The following SASH1 variants were observed in gnomAD, a reference collection of about 807,000 sequenced individuals.
The protein encoded by SASH1 is SAM and SH3 domain containing 1.
Under a neutral mutation model 125.2 loss-of-function variants are expected in SASH1, and 44 were observed. That is an observed-to-expected ratio of 0.35 (90% CI 0.28 to 0.45). SASH1 has a LOEUF of 0.45. SASH1 is among the 20% of genes least tolerant of loss of function. The probability of loss-of-function intolerance (pLI) is 1.00; values close to 1 mark genes in which losing one functional copy is unlikely to be tolerated. For missense variants in SASH1, 1,426 were observed against 1,614.5 expected (o/e 0.88, Z 2.00); for synonymous variants, 639 against 649.1 (o/e 0.98, Z 0.24).
rs149965187 is a variant in SASH1, at chr6:148,519,876, G to A, written c.1192G>A (p.Gly398Arg). Residue 398 changes from glycine (G) to arginine (R), a missense_variant, in exon 10 of 20, where the codon GGG becomes AGG. This residue lies in a region of SASH1 where 567 missense variants were observed against 575.6 expected (regional missense o/e 0.99). Transcript: ENST00000367467. This position sits in a 1 kb window ranked among gnomAD's most constrained non-coding sequence, Gnocchi z 4.8. ...CGAGGGGGAGATGAAGAAGGGTCTC[G>A]GGTCCCTAAGCCACGGGGTAAGTAC... ...LTEGEMKKGLGSLSHGRTCSF... is the reference protein window; with the variant it reads ...LTEGEMKKGLRSLSHGRTCSF... 2.3e-4 allele frequency: 357 copies of A among 1,576,956 alleles called. 1 individual carries two copies. The East Asian group carries it at 3.9e-3, about 17-fold the overall frequency.
At chr6:148,251,760 G>A in the SASH1 span, among the ~76,000 whole-genome samples, 1 of 151,240 alleles carries the variant, frequency 6.6e-6, no homozygotes, top group African/African-American at 2.4e-5. Flanking sequence ...GTATACATGT[G>A]CCATACTAGT....
intron 1 of SASH1, among the ~76,000 whole-genome samples, chr6:148,380,216 A>G (rs1783078983): frequency 6.6e-6 from 1 of 152,214 alleles, no homozygotes; most frequent in Non-Finnish European, 1.5e-5. Flanking sequence ...GCTCAGTCTC[A>G]TACCACAGAC....
At chr6:148,235,843 A>G in the SASH1 span, among the ~76,000 whole-genome samples, 4 of 152,340 alleles carry the variant, frequency 2.6e-5, no homozygotes, top group East Asian at 3.9e-4. Flanking sequence ...TAGAACCTCT[A>G]TTTTAAGTTT....
chr6:148,380,526 A>C (rs1022897062), intron 1 of SASH1, among the ~76,000 whole-genome samples: 1 of 152,174 alleles, frequency 6.6e-6, no homozygotes, highest in Non-Finnish European at 1.5e-5. Flanking sequence ...TTCCCACCCA[A>C]TTATCTGTGC....
intron 1 of SASH1, among the ~76,000 whole-genome samples, chr6:148,332,095 T>C (rs1470343487): frequency 6.6e-6 from 1 of 152,216 alleles, no homozygotes; most frequent in African/African-American, 2.4e-5. Flanking sequence ...TAGTTTGCTC[T>C]TAGCTCTTCT....
Position 148,326,998 on chromosome 6 carries a change from A to G in SASH1, n.74+54621A>G, listed in dbSNP as rs150663726. 8.9e-4 allele frequency among the ~76,000 whole-genome samples: 136 copies of G among 152,076 alleles called. 1 individual carries two copies. The highest frequency in any genetic ancestry group is 3.2e-3 in the African/African-American group (132 of 41,472). On this transcript the variant is annotated intron_variant and non_coding_transcript_variant, in intron 1 of 3. Coordinates refer to the SASH1 transcript ENST00000367469. ...GAAAATCTTTCCTTTTACTTCCCCTACTGGCTGGTGAATCTTGTGCTCCTC... is the reference window on the plus strand; with the variant it reads ...GAAAATCTTTCCTTTTACTTCCCCTGCTGGCTGGTGAATCTTGTGCTCCTC...
rs757149970 is a variant in SASH1, at chr6:148,543,732, C to A, written c.2262C>A (p.Ser754Arg). 2.5e-6 allele frequency: 4 copies of A among 1,592,330 alleles called. No homozygotes were observed. Among genetic ancestry groups the A allele is most frequent in the Non-Finnish European group, 3.4e-6 (4 of 1,166,356 alleles). Reference protein sequence around the residue: ...LLSAKSSTEPSLKSFSRNQLG... With the variant: ...LLSAKSSTEPRLKSFSRNQLG... The stretch of plus-strand genomic sequence containing the variant: ...CTGCCAAGTCATCCACCGAGCCCAG[C>A]TTGAAGTCTTTTAGCAGAAACCAGT... The change falls in exon 18 of 20, where the codon AGC (serine) becomes AGA (arginine). Residue 754 changes from serine (S) to arginine (R), a missense_variant. Transcript: ENST00000367467.
intron 2 of SASH1, among the ~76,000 whole-genome samples, chr6:148,399,811 G>C (rs1409291895): frequency 6.6e-6 from 1 of 152,196 alleles, no homozygotes; most frequent in Non-Finnish European, 1.5e-5. Context: ...GCCAGGGCTT[G>C]GGAGGGAAAG....
At position 148,449,078 on chromosome 6, in the gene SASH1, C is replaced by CTTTTTTTTT; in HGVS notation, c.386+8678_386+8686dup. Among the ~76,000 whole-genome samples the CTTTTTTTTT allele has an allele frequency of 3.0e-3, 264 of 88,630 alleles. 25 individuals carry two copies. The highest frequency in any genetic ancestry group is 5.2e-3 in the Non-Finnish European group (224 of 43,372). 58.1% of individuals were successfully genotyped at this position (88,630 alleles called of 152,430 possible). The stretch of plus-strand genomic sequence containing the variant: ...GAGACTGGCTAATTTCATTTCATTT[C>CTTTTTTTTT]TTTTTTTTTTTTTTTGGAGACAGAG... On this transcript the variant is annotated intron_variant, in intron 4 of 19. Transcript: ENST00000367467.
rs1782689515 is a variant in SASH1, at chr6:148,548,408, C to T, written c.3594C>T (p.Leu1198=). 3.7e-6 allele frequency: 6 copies of T among 1,614,254 alleles called. No individual in the cohort carries two copies. Among genetic ancestry groups the T allele is most frequent in the Non-Finnish European group, 5.1e-6 (6 of 1,180,050 alleles). ...SIGLPMYAGT[L]STAGFSTLSQ... is the part of the protein sequence containing the mutation. The stretch of plus-strand genomic sequence containing the variant: ...GTCTGCCCATGTACGCCGGCACCCT[C>T]TCCACCGCGGGCTTCAGCACACTGA... The change falls in exon 20 of 20, where the codon CTC becomes CTT. Residue 1198 remains leucine (L), a synonymous_variant. Coordinates refer to ENST00000367467, the MANE Select transcript of SASH1 (RefSeq NM_015278.5).
rs1782752008 is a variant in SASH1, at chr6:148,549,215, A to G, written c.*657A>G. 5.6e-6 allele frequency: 1 copy of G among 178,020 alleles called. No individual in the cohort carries two copies. 11.0% of individuals were successfully genotyped at this position (178,020 alleles called of 1,614,324 possible). On this transcript the variant is annotated 3_prime_UTR_variant, in exon 20 of 20. Coordinates refer to ENST00000367467, the MANE Select transcript of SASH1 (RefSeq NM_015278.5). ...CACAACCCTGTAACCATACTTCCAC[A>G]TCTTCAGCTTAGGCAGACATCGAAC...
At chr6:148,507,529 CCTGA>C (rs1451049106) in intron 8 of SASH1, among the ~76,000 whole-genome samples, 2 of 152,160 alleles carry the variant, frequency 1.3e-5, no homozygotes, top group Non-Finnish European at 2.9e-5. Context: ...TGCCACCACG[CCTGA>C]CTAAGTTTTG....
Position 148,471,399 on chromosome 6 carries a change from T to C in SASH1, c.428-18T>C. 1 of 1,287,952 alleles carries C rather than the reference T, an allele frequency of 7.8e-7. No individual in the cohort carries two copies. The highest frequency in any genetic ancestry group is 1.0e-6 in the Non-Finnish European group (1 of 952,862). The allele number at this position is 1,287,952 out of a possible 1,614,324, so 79.8% of individuals were successfully genotyped here. ...GTGCTTTTTGTTCTTTTTTTTTTTT[T>C]TTTTTTTTTTTTTTAAGGAAAAGGA... is the stretch of plus-strand genomic sequence containing the variant. On this transcript the variant is annotated intron_variant, in intron 5 of 19. Coordinates refer to ENST00000367467, the MANE Select transcript of SASH1 (RefSeq NM_015278.5).
At position 148,531,430 on chromosome 6, in the gene SASH1, T is replaced by TTTGA. The variant is rs936252349; in HGVS notation, c.1429-89_1429-86dup. On this transcript the variant is annotated intron_variant, in intron 12 of 19. Coordinates refer to ENST00000367467, the MANE Select transcript of SASH1 (RefSeq NM_015278.5). ...AGAATCAAATATAGGTATAGATTGA[T>TTTGA]TTGATTGATTTCGTTGAAGGCCAAG... 6 of 1,098,692 alleles carry TTTGA rather than the reference T, an allele frequency of 5.5e-6. No homozygotes were observed. In the Admixed American group the frequency reaches 8.8e-5, roughly 16 times the overall value. 68.1% of individuals were successfully genotyped at this position (1,098,692 alleles called of 1,614,324 possible).
intron 8 of SASH1, chr6:148,514,106 A>G (rs1193305330): frequency 7.7e-7 from 1 of 1,294,924 alleles, no homozygotes; most frequent in African/African-American, 1.6e-5. Context: ...GAGGGCAAGG[A>G]TGTGTGTTTC....
At chr6:148,464,755 T>C (rs1032601405) in intron 4 of SASH1, among the ~76,000 whole-genome samples, 2 of 152,150 alleles carry the variant, frequency 1.3e-5, no homozygotes, top group Non-Finnish European at 2.9e-5. Flanking sequence ...AATTCACACA[T>C]TGAATTTGGA....
At chr6:148,244,903 CAT>C in the SASH1 span, among the ~76,000 whole-genome samples, 19 of 78,236 alleles carry the variant, frequency 2.4e-4, no homozygotes, top group African/African-American at 3.9e-4. Context: ...AGGCCTGGGG[CAT>C]GTGTGTGTGT....
In SASH1 at chr6:148,444,461, C is replaced by G. The variant is rs147018013; in HGVS notation, c.386+4054C>G. ...GCTGCTGACCTCTAGATGTGCTTGA[C>G]CTGCATATACAAGAGGTGGGTTGAT... On this transcript the variant is annotated intron_variant, in intron 4 of 19. Transcript: ENST00000367467. Among the ~76,000 whole-genome samples the G allele has an allele frequency of 1.3e-3, 194 of 152,260 alleles. 2 individuals carry two copies. The highest frequency in any genetic ancestry group is 4.5e-3 in the African/African-American group (188 of 41,524).
the SASH1 span, among the ~76,000 whole-genome samples, chr6:148,255,550 T>C: frequency 3.3e-5 from 5 of 152,326 alleles, no homozygotes; most frequent in Admixed American, 2.6e-4. Context: ...TCCTTTTCAG[T>C]TGTGGCACAT....
Sources: allele counts gnomAD v4.1 joint callset (sites outside exome capture counted in the v4.1 genomes callset), GRCh38; gene constraint gnomAD v4.1.1; regional missense constraint gnomAD v4.1.1; non-coding constraint Gnocchi (gnomAD v3.1); transcripts MANE v1.5; gene names NCBI Gene and HGNC (gene_info 2026-07-23, HGNC 2026-07-21).